The following DGKA variants were observed in gnomAD, a reference collection of about 807,000 sequenced individuals.
DGKA encodes diacylglycerol kinase alpha.
Under a neutral mutation model 105.0 loss-of-function variants are expected in DGKA, and 35 were observed. The ratio of observed to expected loss-of-function variants is 0.33; its 90% CI spans 0.25 to 0.44. The LOEUF (loss-of-function observed/expected upper bound fraction) is 0.44. Among genes scored for constraint, DGKA ranks in the 20% least tolerant of loss-of-function variants. The pLI is 1.00. For missense variants in DGKA, 665 were observed against 915.0 expected (o/e 0.73, Z 3.53); for synonymous variants, 296 against 332.0 (o/e 0.89, Z 1.18).
intron 17 of DGKA, among the ~76,000 whole-genome samples, chr12:55,949,688 A>C (rs1194452252): frequency 2.0e-5 from 3 of 152,162 alleles, no homozygotes; most frequent in Non-Finnish European, 4.4e-5. Flanking sequence ...AAAGTTAGCT[A>C]ATTGTTTTAA....
chr12:55,949,440 C>G (rs1170899742), intron 17 of DGKA, among the ~76,000 whole-genome samples: 1 of 152,218 alleles, frequency 6.6e-6, no homozygotes, highest in African/African-American at 2.4e-5. Context: ...CTTAGGTGAT[C>G]TGCCCACCTC....
At chr12:55,938,581 G>T in intron 6 of DGKA, 21 bp downstream of exon 6, 1 of 1,614,050 alleles carries the variant, frequency 6.2e-7, no homozygotes, top group South Asian at 1.1e-5. Flanking sequence ...GACCCTGTAT[G>T]CTGGGCAAGG....
At chr12:55,927,771 G>C (rs547078603), upstream of DGKA, 1 of 1,538,534 alleles carries the variant, frequency 6.5e-7, no homozygotes, top group Admixed American at 2.0e-5. Flanking sequence ...TGGCCGAAGA[G>C]GCAGCGGACC....
intron 16 of DGKA, 38 bp downstream of exon 16, chr12:55,942,121 C>T (rs1470345552): frequency 8.1e-6 from 13 of 1,613,612 alleles, no homozygotes; most frequent in Middle Eastern, 1.6e-4. Flanking sequence ...GTATTGGGGT[C>T]GTAGTCTTGC....
chr12:55,942,521 A>G, intron 17 of DGKA: 2 of 440,606 alleles, frequency 4.5e-6, no homozygotes, highest in South Asian at 4.5e-5. Context: ...ACCAACTCTT[A>G]TGGCTCAGAG....
chr12:55,942,223 T>A lies in DGKA; in HGVS notation c.1386T>A (p.Gly462=). The change falls in exon 17 of 24, where the codon GGT becomes GGA. Residue 462 remains glycine, a synonymous_variant. Transcript: ENST00000331886. ...CTCCTGTTGCTGTGTTGCCCCTGGG[T>A]ACTGGAAATGATCTGGCTCGATGCC... ...VLPPVAVLPL[G]TGNDLARCLR... is the part of the protein sequence containing the mutation. 1 of 1,614,104 alleles carries A rather than the reference T, an allele frequency of 6.2e-7. No homozygotes were observed.
rs1275468056 is a variant in DGKA at position 55,937,562 on chromosome 12, G to A, written c.274+19G>A. The A allele has an allele frequency of 2.5e-6, 4 of 1,612,354 alleles. No homozygotes were observed. Among genetic ancestry groups the A allele is most frequent in the Non-Finnish European group, 3.4e-6 (4 of 1,179,074 alleles). ...ACAAAAGGTATGGTCAAGCAGGTAG[G>A]ACTGGGCTAAGCCTCTGGCAGAAAA... On this transcript the variant is annotated intron_variant, in intron 4 of 23. Transcript: ENST00000331886.
chr12:55,946,849 C>T (rs1389455000), intron 17 of DGKA, among the ~76,000 whole-genome samples: 1 of 152,196 alleles, frequency 6.6e-6, no homozygotes, highest in East Asian at 1.9e-4. Context: ...TGGCAGGAGT[C>T]ATTGGCAATC....
intron 17 of DGKA, among the ~76,000 whole-genome samples, chr12:55,951,378 C>G (rs1175428011): frequency 6.6e-6 from 1 of 152,198 alleles, no homozygotes; most frequent in Non-Finnish European, 1.5e-5. Flanking sequence ...TTCTCTCCAA[C>G]CTTCCAGATG....
chr12:55,938,143 T>TG, intron 5 of DGKA, 91 bp downstream of exon 5: 1 of 1,241,032 alleles, frequency 8.1e-7, no homozygotes, highest in Non-Finnish European at 1.2e-6. Flanking sequence ...TCAGGATTCC[T>TG]AAAGGCTGAC....
At chr12:55,941,852 C>A in intron 15 of DGKA, 146 bp from the exon 16 acceptor site, 1 of 902,392 alleles carries the variant, frequency 1.1e-6, no homozygotes, top group South Asian at 1.5e-5. Context: ...TTGTTCTTTT[C>A]TGTGACCTTC....
chr12:55,948,797 G>T (rs1887571903), intron 17 of DGKA, among the ~76,000 whole-genome samples: 1 of 151,986 alleles, frequency 6.6e-6, no homozygotes, highest in Non-Finnish European at 1.5e-5. Flanking sequence ...GCCAAGGTGG[G>T]TGGATCACGA....
chr12:55,942,175 C>T lies in DGKA; in HGVS notation c.1338C>T (p.Asp446=). 1.9e-6 allele frequency: 3 copies of T among 1,614,204 alleles called. No homozygotes were observed. The highest frequency in any genetic ancestry group is 2.5e-6 in the Non-Finnish European group (3 of 1,180,028). The change falls in exon 17 of 24, where the codon GAC becomes GAT. Residue 446 remains aspartate, a splice_region_variant and synonymous_variant. Coordinates refer to ENST00000331886, the MANE Select transcript of DGKA (RefSeq NM_001345.5). The part of the protein sequence containing the change: ...GTVGWILETI[D]KANLPVLPPV... ...CCTTCTCTTCACCTGCCTCCGCAGACAAAGCTAACTTGCCAGTTTTGCCTC... is the reference window on the plus strand; with the variant it reads ...CCTTCTCTTCACCTGCCTCCGCAGATAAAGCTAACTTGCCAGTTTTGCCTC...
chr12:55,928,691 A>C (rs1197502709), upstream of DGKA, among the ~76,000 whole-genome samples: 36 of 150,316 alleles, frequency 2.4e-4, no homozygotes, highest in Admixed American at 9.3e-4. Context: ...AAAAAAAAAA[A>C]AAAAAAAAAA....
chr12:55,950,671 G>T (rs1402845973), intron 17 of DGKA, among the ~76,000 whole-genome samples: 3 of 151,890 alleles, frequency 2.0e-5, no homozygotes, highest in Admixed American at 6.6e-5. Context: ...CAAACTCCTG[G>T]TCTCAAGGGA....
intron 17 of DGKA, among the ~76,000 whole-genome samples, chr12:55,946,779 A>G (rs1048068283): frequency 6.6e-6 from 1 of 152,238 alleles, no homozygotes; most frequent in African/African-American, 2.4e-5. Flanking sequence ...CGAGAGAGTG[A>G]TATTTCAGAG....
rs1885402176 is a variant in DGKA at position 55,939,271 on chromosome 12, C to A, written c.560C>A (p.Thr187Asn). 1 of 1,614,058 alleles carries A rather than the reference C, an allele frequency of 6.2e-7. No homozygotes were observed. The highest frequency in any genetic ancestry group is 1.3e-5 in the African/African-American group (1 of 74,926). Reference sequence around the variant, plus strand: ...GAGTGGGTCCGGGCTGGGGCCACCACCGTGCCACTGCTAGTGCTGCTGGGT... The same window carrying A: ...GAGTGGGTCCGGGCTGGGGCCACCAACGTGCCACTGCTAGTGCTGCTGGGT... Reference protein sequence around the residue: ...QAEWVRAGATTVPLLVLLGLE... With the variant: ...QAEWVRAGATNVPLLVLLGLE... Residue 187 changes from threonine to asparagine, a missense_variant, in exon 8 of 24, where the codon ACC becomes AAC. Physicochemically the swap from Thr to Asn is moderately conservative, Grantham distance 65. This residue lies in a region of DGKA where 504 missense variants were observed against 681.2 expected (regional missense o/e 0.74). Transcript: ENST00000331886.
chr12:55,951,705 G>A lies in DGKA; in HGVS notation c.1509G>A (p.Glu503=), dbSNP rs1331485813. The A allele has an allele frequency of 2.6e-5, 42 of 1,613,938 alleles. No homozygotes were observed. In the Admixed American group the frequency reaches 6.7e-4, roughly 26 times the overall value. The change falls in exon 18 of 24, where the codon GAG becomes GAA. Residue 503 remains glutamate (E), a synonymous_variant. Transcript: ENST00000331886. ...TACATATGGATCGATGGTCTGTGGA[G>A]GTGATACCTCAACAAACTGAAGAAA... ...KVVHMDRWSV[E]VIPQQTEEKS...
At chr12:55,938,807 G>T in intron 6 of DGKA, 108 bp from the exon 7 acceptor site, 1 of 1,561,698 alleles carries the variant, frequency 6.4e-7, no homozygotes, top group South Asian at 1.2e-5. Flanking sequence ...ACCTGAGAAT[G>T]AGAGGTGTGA....
Sources: gnomAD v4.1 joint callset for allele counts (sites outside exome capture counted in the v4.1 genomes callset) on GRCh38, gnomAD v4.1.1 for gene constraint, gnomAD v4.1.1 regional missense constraint, MANE v1.5 for transcripts, NCBI Gene and HGNC (gene_info 2026-07-23, HGNC 2026-07-21) for gene names.